Variants in CNTLN observed in about 807,000 individuals in gnomAD.
CNTLN encodes the protein centlein, also known as centlein, centrosomal protein.
Under a neutral mutation model 180.0 loss-of-function variants are expected in CNTLN, and 212 were observed. The observed-to-expected ratio is 1.18, with a 90% confidence interval of 1.05 to 1.32. CNTLN has a LOEUF of 1.32. CNTLN is among the 40% of genes most tolerant of loss of function. The pLI, the probability that CNTLN is intolerant of heterozygous loss-of-function variation, is 0.00. For synonymous variants in CNTLN, 722 were observed against 563.1 expected (o/e 1.28, Z -3.99); for missense variants, 2,095 against 1,610.9 (o/e 1.30, Z -5.14).
rs770819510 is a variant in CNTLN at position 17,309,241 on chromosome 9, T to A, written c.1330T>A (p.Tyr444Asn). ...LPLPQESDPDYSAQVPHRPSL... is the reference protein window; with the variant it reads ...LPLPQESDPDNSAQVPHRPSL... ...TTTACCTCAAGAAAGTGATCCAGAC[T>A]ACTCAGCACAGGTGAGAGACATTTT... Residue 444 changes from tyrosine to asparagine, a missense_variant, in exon 8 of 26, where the codon TAC (tyrosine) becomes AAC (asparagine). By Grantham distance (143) the Tyr-to-Asn change is moderately radical (BLOSUM62 -2). Coordinates refer to ENST00000380647, the MANE Select transcript of CNTLN (RefSeq NM_017738.4). The A allele has an allele frequency of 1.3e-5, 20 of 1,584,302 alleles. No individual in the cohort carries two copies. In the Admixed American group the frequency reaches 3.7e-4, roughly 29 times the overall value.
At chr9:17,250,731 T>G (rs1387582911) in intron 5 of CNTLN, among the ~76,000 whole-genome samples, 1 of 152,072 alleles carries the variant, frequency 6.6e-6, no homozygotes, top group Non-Finnish European at 1.5e-5. Context: ...TTTATGTAGT[T>G]TATATAGTTT....
At chr9:17,450,391 A>G (rs1488645512) in intron 18 of CNTLN, among the ~76,000 whole-genome samples, 1 of 152,186 alleles carries the variant, frequency 6.6e-6, no homozygotes, top group African/African-American at 2.4e-5. Context: ...GATTGTTTAA[A>G]AAAGTTGAAT....
At chr9:17,456,594 T>C (rs1171570337) in intron 18 of CNTLN, among the ~76,000 whole-genome samples, 4 of 152,216 alleles carry the variant, frequency 2.6e-5, no homozygotes, top group Non-Finnish European at 4.4e-5. Context: ...CTGTACACTT[T>C]AGCTACATCT....
In CNTLN at chr9:17,462,368, TC is replaced by T. The variant is rs1223432923; in HGVS notation, c.3307-546del. On this transcript the variant is annotated intron_variant, in intron 19 of 25. Coordinates refer to ENST00000380647, the MANE Select transcript of CNTLN (RefSeq NM_017738.4). ...TAGCAAGGTGATCCTGGAGCAGCAT[TC>T]CAAGAAGGGAAAGAGAGAAGCCACA... is the stretch of plus-strand genomic sequence containing the variant. Among the ~76,000 whole-genome samples the T allele has an allele frequency of 1.9e-4, 29 of 151,834 alleles. No homozygotes were observed. The East Asian group carries it at 5.4e-3, about 28-fold the overall frequency.
intron 18 of CNTLN, among the ~76,000 whole-genome samples, chr9:17,435,806 A>G (rs1829738340): frequency 6.6e-6 from 1 of 152,048 alleles, no homozygotes; most frequent in Non-Finnish European, 1.5e-5. Flanking sequence ...CAGGTGATCC[A>G]CCCGTCTTGG....
intron 5 of CNTLN, among the ~76,000 whole-genome samples, chr9:17,259,691 G>A (rs1279968664): frequency 6.6e-6 from 1 of 150,738 alleles, no homozygotes; most frequent in Non-Finnish European, 1.5e-5. Context: ...GCTTCTTCCT[G>A]GTTTAGTCTT....
intron 5 of CNTLN, among the ~76,000 whole-genome samples, chr9:17,237,387 ACACACACACACACACACACG>A (rs1326367509): frequency 6.9e-6 from 1 of 145,348 alleles, no homozygotes; most frequent in Non-Finnish European, 1.5e-5. Context: ...ACACACACAC[ACACACACACACACACACACG>A]GTTAGTCAAC....
At chr9:17,242,808 CT>C (rs1210701860) in intron 5 of CNTLN, among the ~76,000 whole-genome samples, 3 of 152,000 alleles carry the variant, frequency 2.0e-5, no homozygotes, top group Non-Finnish European at 4.4e-5. Flanking sequence ...CTGTAGTTTC[CT>C]TTTTTTGATG....
At chr9:17,454,879 ATGCTTATAAATATT>A (rs1219165106) in intron 18 of CNTLN, among the ~76,000 whole-genome samples, 1 of 152,216 alleles carries the variant, frequency 6.6e-6, no homozygotes, top group East Asian at 1.9e-4. Context: ...CGTGACTTAA[ATGCTTATAAATATT>A]TGCTTGAAGA....
At chr9:17,456,692 G>A (rs1211786914) in intron 18 of CNTLN, among the ~76,000 whole-genome samples, 1 of 151,954 alleles carries the variant, frequency 6.6e-6, no homozygotes, top group African/African-American at 2.4e-5. Flanking sequence ...TGTACCTTAT[G>A]TTAAGGTACC....
intron 13 of CNTLN, among the ~76,000 whole-genome samples, chr9:17,383,255 C>T (rs143893021): frequency 1.6e-4 from 24 of 152,130 alleles, no homozygotes; most frequent in Middle Eastern, 3.4e-3. Flanking sequence ...ACCAACATGG[C>T]GCTGTGGCTC....
intron 12 of CNTLN, among the ~76,000 whole-genome samples, chr9:17,347,965 G>T (rs917144974): frequency 2.0e-5 from 3 of 152,006 alleles, no homozygotes; most frequent in Non-Finnish European, 4.4e-5. Context: ...CTGAGTAGCT[G>T]GGGCTATAGA....
chr9:17,453,004 A>G (rs146488813), intron 18 of CNTLN, among the ~76,000 whole-genome samples: 8 of 152,300 alleles, frequency 5.3e-5, no homozygotes, highest in African/African-American at 1.7e-4. Flanking sequence ...TTGAAAAAGA[A>G]CAAAAAAAAT....
At chr9:17,510,039 T>C in the CNTLN span, among the ~76,000 whole-genome samples, 1 of 152,150 alleles carries the variant, frequency 6.6e-6, no homozygotes, top group Admixed American at 6.5e-5. Context: ...AGAATATATC[T>C]GGAATACAGG....
intron 1 of CNTLN, among the ~76,000 whole-genome samples, chr9:17,140,936 A>G (rs745909322): frequency 9.2e-5 from 14 of 152,240 alleles, no homozygotes; most frequent in Non-Finnish European, 1.5e-4. Flanking sequence ...CATAAAATCC[A>G]TAAGCCATAA....
chr9:17,308,178 A>G (rs1818863813), intron 7 of CNTLN, among the ~76,000 whole-genome samples: 1 of 152,182 alleles, frequency 6.6e-6, no homozygotes, highest in Non-Finnish European at 1.5e-5. Context: ...TTAACCTTAT[A>G]TTACTGTCTG....
chr9:17,334,128 C>T (rs927530010), intron 10 of CNTLN, among the ~76,000 whole-genome samples: 13 of 152,058 alleles, frequency 8.5e-5, no homozygotes, highest in African/African-American at 3.1e-4. Context: ...GGCATGATCT[C>T]GGCTCACTGC....
chr9:17,509,364 G>C, the CNTLN span, among the ~76,000 whole-genome samples: 45,471 of 152,152 alleles, frequency 0.3, 8,196 homozygotes, highest in East Asian at 0.56. Context: ...CTGGATGTGG[G>C]TTTGCCTTAT....
chr9:17,372,282 C>T (rs369839249), intron 13 of CNTLN, among the ~76,000 whole-genome samples: 1 of 152,206 alleles, frequency 6.6e-6, no homozygotes, highest in East Asian at 1.9e-4. Context: ...ACAACAGATA[C>T]TGCAGAAATT....
Sources: allele counts gnomAD v4.1 joint callset (sites outside exome capture counted in the v4.1 genomes callset), GRCh38; gene constraint gnomAD v4.1.1; transcripts MANE v1.5; gene names NCBI Gene and HGNC (gene_info 2026-07-23, HGNC 2026-07-21).